Variants in NIPBL observed in about 807,000 individuals in gnomAD.
NIPBL encodes nipped-B-like protein.
NIPBL carries 19 observed loss-of-function variants against 321.8 expected under a neutral mutation model. That is an observed-to-expected ratio of 0.06 (90% CI 0.04 to 0.09). NIPBL has a LOEUF of 0.09. Among genes scored for constraint, NIPBL ranks in the 10% least tolerant of loss-of-function variants. The pLI is 1.00. For synonymous variants in NIPBL, 1,106 were observed against 1,114.1 expected (o/e 0.99, Z 0.14); for missense variants, 2,210 against 3,327.0 (o/e 0.66, Z 8.26).
Position 36,976,050 on chromosome 5 carries a change from A to G in NIPBL, c.1143A>G (p.Glu381=). Residue 381 remains glutamate, a synonymous_variant, in exon 9 of 47, where the codon GAA becomes GAG. Transcript: ENST00000282516. ...AAGAGGATATGATTTCTGGTGTGGA[A>G]AATAGCAATGTTTCAGAAAATGATA... The part of the protein sequence containing the change: ...DQQEDMISGV[E]NSNVSENDIP... 1.2e-6 allele frequency: 2 copies of G among 1,614,062 alleles called. No individual in the cohort carries two copies. The highest frequency in any genetic ancestry group is 1.7e-6 in the Non-Finnish European group (2 of 1,179,928).
chr5:36,979,762 G>A (rs1032486004), intron 9 of NIPBL, among the ~76,000 whole-genome samples: 2 of 151,460 alleles, frequency 1.3e-5, no homozygotes, highest in East Asian at 1.9e-4. Flanking sequence ...AAAAGTATAC[G>A]CATATCAAAT....
chr5:37,057,314 A>C lies in NIPBL; in HGVS notation c.7392A>C (p.Leu2464=), dbSNP rs779076574. ...CACTCTCAGTTTCTGGTAGTAACCT[A>C]CTGCAGTCATTCAAGGAGGTAAGTT... ...DITLSVSGSN[L]LQSFKESMVK... The change falls in exon 43 of 47, where the codon CTA becomes CTC. Residue 2464 remains leucine (L), a synonymous_variant. Transcript: ENST00000282516. 6.2e-7 allele frequency: 1 copy of C among 1,611,920 alleles called. No individual in the cohort carries two copies. Among genetic ancestry groups the C allele is most frequent in the Non-Finnish European group, 8.5e-7 (1 of 1,178,106 alleles).
At chr5:36,925,930 T>G (rs894378788) in intron 1 of NIPBL, among the ~76,000 whole-genome samples, 2 of 152,228 alleles carry the variant, frequency 1.3e-5, no homozygotes, top group African/African-American at 2.4e-5. Context: ...TGTTTTAACC[T>G]CCTGCTATGC....
chr5:36,977,515 A>C (rs542307839), intron 9 of NIPBL, among the ~76,000 whole-genome samples: 1 of 151,938 alleles, frequency 6.6e-6, no homozygotes, highest in Non-Finnish European at 1.5e-5. Context: ...TGTTTGCAAC[A>C]TATGTAAATC....
Position 37,060,859 on chromosome 5 carries a change from C to T in NIPBL, c.7701C>T (p.Tyr2567=). The T allele has an allele frequency of 1.2e-6, 2 of 1,613,342 alleles. No homozygotes were observed. Among genetic ancestry groups the T allele is most frequent in the African/African-American group, 1.3e-5 (1 of 75,028 alleles). The change falls in exon 45 of 47, where the codon TAC becomes TAT. Residue 2567 remains tyrosine, a synonymous_variant. Coordinates refer to ENST00000282516, the MANE Select transcript of NIPBL (RefSeq NM_133433.4). ...CCCAAAACAGTAAAATTCAGAAGTA[C>T]TCTCCATCTGAATCTGCAAAAGTAT... ...CGFSDSKIQK[Y]SPSESAKVYD... is the part of the protein sequence containing the mutation.
intron 1 of NIPBL, among the ~76,000 whole-genome samples, chr5:36,927,176 G>T (rs1749429050): frequency 6.6e-6 from 1 of 152,064 alleles, no homozygotes; most frequent in Admixed American, 6.6e-5. Flanking sequence ...AGAAAAGAAA[G>T]AATCCTCCAC....
intron 7 of NIPBL, 149 bp from the exon 8 acceptor site, chr5:36,971,796 A>G: frequency 6.9e-7 from 1 of 1,454,250 alleles, no homozygotes; most frequent in Non-Finnish European, 9.1e-7. Flanking sequence ...AGATATACCA[A>G]GAAGAAAACA....
At chr5:37,044,809 A>G in intron 36 of NIPBL, 80 bp downstream of exon 36, 2 of 981,568 alleles carry the variant, frequency 2.0e-6, no homozygotes, top group Non-Finnish European at 3.2e-6. Flanking sequence ...ATTTGATAAA[A>G]GGCTAGACTC....
rs116091049 is a variant in NIPBL, at chr5:36,925,956, T to A, written c.-79-27662T>A. On this transcript the variant is annotated intron_variant, in intron 1 of 46. Coordinates refer to ENST00000282516, the MANE Select transcript of NIPBL (RefSeq NM_133433.4). Reference sequence around the variant, plus strand: ...CCTGCTATGCTCATTTAGCTAGGTATCATTTATGAATATTTTCTTCTCATT... The same window carrying A: ...CCTGCTATGCTCATTTAGCTAGGTAACATTTATGAATATTTTCTTCTCATT... Among the ~76,000 whole-genome samples the A allele has an allele frequency of 8.1e-3, 1,233 of 152,322 alleles. 12 individuals carry two copies. Among genetic ancestry groups the A allele is most frequent in the African/African-American group, 0.028 (1,171 of 41,566 alleles).
At chr5:36,901,100 C>G (rs560014319) in intron 1 of NIPBL, among the ~76,000 whole-genome samples, 2 of 152,282 alleles carry the variant, frequency 1.3e-5, no homozygotes, top group Non-Finnish European at 2.9e-5. Context: ...CCACCCTTCT[C>G]CCACCCTCAA....
At chr5:37,022,671 G>C (rs933728108) in intron 29 of NIPBL, among the ~76,000 whole-genome samples, 1 of 152,010 alleles carries the variant, frequency 6.6e-6, no homozygotes, top group African/African-American at 2.4e-5. Flanking sequence ...GAACCACATG[G>C]GGTAGTTAAA....
chr5:36,879,434 TA>T (rs2149513187), intron 1 of NIPBL, among the ~76,000 whole-genome samples: 1 of 152,350 alleles, frequency 6.6e-6, no homozygotes, highest in East Asian at 1.9e-4. Context: ...TCTTTAAATT[TA>T]AAAATATGTT....
intron 1 of NIPBL, among the ~76,000 whole-genome samples, chr5:36,897,222 T>G (rs1402280874): frequency 6.6e-6 from 1 of 151,896 alleles, no homozygotes; most frequent in Admixed American, 6.6e-5. Flanking sequence ...CAGACTAGTC[T>G]TGAACTCCTG....
At chr5:36,915,527 T>C (rs565600078) in intron 1 of NIPBL, among the ~76,000 whole-genome samples, 2 of 152,130 alleles carry the variant, frequency 1.3e-5, no homozygotes, top group Non-Finnish European at 2.9e-5. Flanking sequence ...ACCCCTGTAA[T>C]TCCTGATTGG....
intron 17 of NIPBL, 94 bp downstream of exon 17, chr5:37,006,682 A>T (rs529900101): frequency 1.4e-6 from 1 of 695,244 alleles, no homozygotes; most frequent in South Asian, 1.7e-5. Flanking sequence ...TTTGAATCAT[A>T]TAACTTGTAA....
At chr5:36,912,944 C>G (rs1161502518) in intron 1 of NIPBL, among the ~76,000 whole-genome samples, 2 of 152,046 alleles carry the variant, frequency 1.3e-5, no homozygotes, top group Non-Finnish European at 2.9e-5. Flanking sequence ...GGAAAAAAAT[C>G]AAAGCAATCC....
chr5:37,020,415 G>A (rs751531755), intron 25 of NIPBL, 44 bp from the exon 26 acceptor site: 14 of 1,314,288 alleles, frequency 1.1e-5, no homozygotes, highest in Non-Finnish European at 1.2e-5. Flanking sequence ...TGGAAATCTT[G>A]TTGCTAATTT....
At position 37,026,393 on chromosome 5, in the gene NIPBL, T is replaced by C. The variant is rs568607154; in HGVS notation, c.5808+66T>C. The stretch of plus-strand genomic sequence containing the variant: ...AGACCTAATTGAGGCCTACATGTCT[T>C]ATGAAGGAAGAGACAATAATGAGAT... On this transcript the variant is annotated intron_variant, in intron 31 of 46. Coordinates refer to ENST00000282516, the MANE Select transcript of NIPBL (RefSeq NM_133433.4). 5 of 860,712 alleles carry C rather than the reference T, an allele frequency of 5.8e-6. No homozygotes were observed. The East Asian group carries it at 1.2e-4, about 21-fold the overall frequency. 53.3% of individuals were successfully genotyped at this position (860,712 alleles called of 1,614,324 possible). A position where few individuals can be genotyped will look rare whatever the true frequency, so the allele number is the denominator to read the frequency against.
At chr5:36,914,067 C>T (rs1445899799) in intron 1 of NIPBL, among the ~76,000 whole-genome samples, 6 of 152,200 alleles carry the variant, frequency 3.9e-5, no homozygotes, top group Admixed American at 3.9e-4. Context: ...ACACCTGGAA[C>T]ATTAGTCCTC....
Sources: gnomAD v4.1 joint callset for allele counts (sites outside exome capture counted in the v4.1 genomes callset) on GRCh38, gnomAD v4.1.1 for gene constraint, MANE v1.5 for transcripts, NCBI Gene and HGNC (gene_info 2026-07-23, HGNC 2026-07-21) for gene names.